The following CNTN3 variants were observed in gnomAD, a reference collection of about 807,000 sequenced individuals.
The protein encoded by CNTN3 is contactin-3.
CNTN3 carries 60 observed loss-of-function variants against 119.1 expected under a neutral mutation model. The observed-to-expected ratio is 0.50, with a 90% CI of 0.41 to 0.62. CNTN3 has a LOEUF of 0.62. Ranked by LOEUF, CNTN3 falls within the 20% of genes least tolerant of loss-of-function variation. The probability of loss-of-function intolerance (pLI) is 0.00; values close to 1 mark genes in which losing one functional copy is unlikely to be tolerated. For synonymous variants in CNTN3, 450 were observed against 438.7 expected (o/e 1.03, Z -0.32); for missense variants, 1,101 against 1,242.4 (o/e 0.89, Z 1.71).
intron 4 of CNTN3, among the ~76,000 whole-genome samples, chr3:74,470,262 T>C (rs1428467662): frequency 6.6e-6 from 1 of 152,144 alleles, no homozygotes; most frequent in Non-Finnish European, 1.5e-5. Flanking sequence ...TTAATGGTGG[T>C]GATGGCTGCA....
intron 1 of CNTN3, among the ~76,000 whole-genome samples, chr3:74,570,284 T>C (rs1431868903): frequency 6.6e-6 from 1 of 152,070 alleles, no homozygotes; most frequent in Non-Finnish European, 1.5e-5. Flanking sequence ...GTAGCAGTAG[T>C]GCCTGAAATG....
In CNTN3 at chr3:74,285,662, A is replaced by C. The variant is rs550361344; in HGVS notation, c.2518-171T>G. Among the ~76,000 whole-genome samples the C allele has an allele frequency of 7.1e-3, 1,084 of 151,698 alleles. 7 individuals are homozygous for C. Among genetic ancestry groups the C allele is most frequent in the Non-Finnish European group, 0.012 (794 of 67,874 alleles). On this transcript the variant is annotated intron_variant, in intron 19 of 22. Coordinates refer to ENST00000263665, the MANE Select transcript of CNTN3 (RefSeq NM_020872.3). Reference sequence around the variant, plus strand: ...ATTAGGCTGTGTGTCACAGCAGTGAAGATAGAGAAAAGGGACTCTAGGAGG... The same window carrying C: ...ATTAGGCTGTGTGTCACAGCAGTGACGATAGAGAAAAGGGACTCTAGGAGG...
chr3:74,525,692 C>T (rs918826864), intron 1 of CNTN3, among the ~76,000 whole-genome samples: 3 of 151,850 alleles, frequency 2.0e-5, no homozygotes, highest in Admixed American at 1.3e-4. Flanking sequence ...ATTCACAACA[C>T]GTTCTCATGG....
intron 1 of CNTN3, among the ~76,000 whole-genome samples, chr3:74,571,674 C>T (rs77681853): frequency 0.015 from 2,230 of 152,216 alleles, 76 homozygotes; most frequent in East Asian, 0.11. Flanking sequence ...CTTGAACTCA[C>T]ATATTTATTG....
Position 74,285,294 on chromosome 3 carries a change from AAT to A in CNTN3, c.2704+9_2704+10del, listed in dbSNP as rs1319835307. ...TTTCCGTACCATTCAAAGAAATCAG[AAT>A]ATACTTACGCGTTTTCTTGGTGGTT... is the stretch of plus-strand genomic sequence containing the variant. On this transcript the variant is annotated intron_variant, in intron 20 of 22. Coordinates refer to ENST00000263665, the MANE Select transcript of CNTN3 (RefSeq NM_020872.3). 6.3e-7 allele frequency: 1 copy of A among 1,594,840 alleles called. No individual in the cohort carries two copies. The highest frequency in any genetic ancestry group is 1.1e-5 in the South Asian group (1 of 89,114).
chr3:74,405,685 T>A (rs1318832257), intron 5 of CNTN3, among the ~76,000 whole-genome samples: 1 of 152,106 alleles, frequency 6.6e-6, no homozygotes, highest in East Asian at 1.9e-4. Flanking sequence ...AAAATTGTAA[T>A]GTTTTCCAGT....
rs1437841368 is a variant in CNTN3, at chr3:74,452,960, T to C, written c.359-28020A>G. Among the ~76,000 whole-genome samples the C allele has an allele frequency of 3.3e-5, 5 of 151,210 alleles. No individual in the cohort carries two copies. The South Asian group carries it at 6.3e-4, about 19-fold the overall frequency. ...TTTTTGCAGCAATGTTCATCAAGGATATTGGTCTAAAATTCTCTTTTTTGG... is the reference window on the plus strand; with the variant it reads ...TTTTTGCAGCAATGTTCATCAAGGACATTGGTCTAAAATTCTCTTTTTTGG... On this transcript the variant is annotated intron_variant, in intron 4 of 22. Transcript: ENST00000263665.
chr3:74,496,359 G>T (rs181556198), intron 3 of CNTN3, among the ~76,000 whole-genome samples: 54 of 152,210 alleles, frequency 3.5e-4, no homozygotes, highest in African/African-American at 1.3e-3. Context: ...AGGATTCCTA[G>T]ATGGTAACAA....
At chr3:74,319,860 G>C (rs1000024734) in intron 13 of CNTN3, among the ~76,000 whole-genome samples, 9 of 151,026 alleles carry the variant, frequency 6.0e-5, no homozygotes, top group African/African-American at 2.2e-4. Context: ...AGGTGAAGGA[G>C]ATGAACAGAC....
intron 13 of CNTN3, among the ~76,000 whole-genome samples, chr3:74,330,438 T>G (rs551742777): frequency 1.3e-5 from 2 of 152,214 alleles, no homozygotes; most frequent in Non-Finnish European, 2.9e-5. Context: ...GATGCATTTG[T>G]GATGATGCTG....
At chr3:74,436,060 C>A (rs1316751898) in intron 4 of CNTN3, among the ~76,000 whole-genome samples, 1 of 152,186 alleles carries the variant, frequency 6.6e-6, no homozygotes, top group Non-Finnish European at 1.5e-5. Context: ...TTCAATTATT[C>A]AACAGATGTG....
intron 4 of CNTN3, among the ~76,000 whole-genome samples, chr3:74,449,011 G>A (rs963987292): frequency 6.6e-6 from 1 of 151,982 alleles, no homozygotes; most frequent in African/African-American, 2.4e-5. Flanking sequence ...TAGAATTAAT[G>A]TCTCCCAGGT....
intron 19 of CNTN3, among the ~76,000 whole-genome samples, chr3:74,292,382 T>A (rs758892179): frequency 3.3e-5 from 5 of 152,072 alleles, no homozygotes; most frequent in Non-Finnish European, 5.9e-5. Flanking sequence ...CTGACCAACA[T>A]GGAGAAACCC....
In CNTN3 at chr3:74,338,471, T is replaced by C. The variant is rs546553849; in HGVS notation, c.1365-1813A>G. 6.1e-5 allele frequency among the ~76,000 whole-genome samples: 9 copies of C among 147,586 alleles called. No individual in the cohort carries two copies. The South Asian group carries it at 2.0e-3, about 32-fold the overall frequency. ...ACACGTGCACATATGTGTATACACA[T>C]ATGTGCGTATGTGTACACACGTGCG... On this transcript the variant is annotated intron_variant, in intron 11 of 22. Transcript: ENST00000263665.
intron 20 of CNTN3, among the ~76,000 whole-genome samples, chr3:74,272,093 C>G (rs995432346): frequency 3.9e-5 from 6 of 152,084 alleles, no homozygotes; most frequent in Admixed American, 1.3e-4. Context: ...GCAGGGGTGT[C>G]CAATCTTTTG....
intron 1 of CNTN3, among the ~76,000 whole-genome samples, chr3:74,596,504 A>G (rs549655340): frequency 9.9e-5 from 15 of 152,242 alleles, no homozygotes; most frequent in African/African-American, 3.1e-4. Flanking sequence ...GATCAATGCA[A>G]CAGAACAGAG....
chr3:74,404,214 C>A (rs57858029), intron 5 of CNTN3, among the ~76,000 whole-genome samples: 2,333 of 152,148 alleles, frequency 0.015, 62 homozygotes, highest in African/African-American at 0.054. Flanking sequence ...ATGAGGAGTT[C>A]TTTATTCTGT....
chr3:74,339,313 C>T (rs74596692), intron 11 of CNTN3, among the ~76,000 whole-genome samples: 9,317 of 152,042 alleles, frequency 0.061, 935 homozygotes, highest in African/African-American at 0.21. Flanking sequence ...AGGACCTCTG[C>T]CTCTCTCTAA....
At position 74,554,033 on chromosome 3, in the gene CNTN3, G is replaced by C. The variant is rs187542926; in HGVS notation, c.-80-32841C>G. ...ATGGTATTGCACAGATTTTCTTCTA[G>C]GATTTTTATGGTCCTAGGTCTTACA... On this transcript the variant is annotated intron_variant, in intron 1 of 22. Coordinates refer to ENST00000263665, the MANE Select transcript of CNTN3 (RefSeq NM_020872.3). Among the ~76,000 whole-genome samples the C allele has an allele frequency of 2.0e-5, 3 of 152,246 alleles. No individual in the cohort carries two copies. The East Asian group carries it at 5.8e-4, about 29-fold the overall frequency.
Sources: gnomAD v4.1 joint callset for allele counts (sites outside exome capture counted in the v4.1 genomes callset) on GRCh38, gnomAD v4.1.1 for gene constraint, MANE v1.5 for transcripts, NCBI Gene and HGNC (gene_info 2026-07-23, HGNC 2026-07-21) for gene names.